Variants in DNAH10 observed in about 807,000 individuals in gnomAD.
DNAH10 encodes the protein dynein axonemal heavy chain 10, also known as axonemal beta dynein heavy chain 10.
In DNAH10, 348 loss-of-function variants were observed where a neutral mutation model predicts 506.6. The ratio of observed to expected loss-of-function variants is 0.69; its 90% confidence interval spans 0.63 to 0.75. The LOEUF is 0.75. DNAH10 is among the 30% of genes least tolerant of loss of function. The probability of loss-of-function intolerance (pLI) is 0.00; values close to 1 mark genes in which losing one functional copy is unlikely to be tolerated. For synonymous variants in DNAH10, 2,059 were observed against 2,198.6 expected, an observed-to-expected ratio of 0.94 and a Z score of 1.78; for missense variants, 5,179 against 5,787.1, an observed-to-expected ratio of 0.89 and a Z score of 3.41.
rs770744655 is a variant in DNAH10 at position 123,833,296 on chromosome 12, A to G, written c.4728A>G (p.Gln1576=). The G allele has an allele frequency of 8.1e-6, 13 of 1,613,658 alleles. No individual in the cohort carries two copies. Among genetic ancestry groups the G allele is most frequent in the South Asian group, 3.3e-5 (3 of 90,970 alleles). Residue 1576 remains glutamine, a synonymous_variant, in exon 27 of 79, where the codon CAA becomes CAG. Transcript: ENST00000673944. ...GCAGATTTGTGGGGCCTTTTCTGCA[A>G]ACTGTTCACAAATGGGAAAAAACGC... is the stretch of plus-strand genomic sequence containing the variant. The part of the protein sequence containing the change: ...SGSRFVGPFL[Q]TVHKWEKTLS...
chr12:123,780,988 G>A, intron 5 of DNAH10, 92 bp from the exon 6 acceptor site: 2 of 595,734 alleles, frequency 3.4e-6, no homozygotes, highest in South Asian at 2.4e-5. Context: ...GAGGCAATTT[G>A]AATAAAGAAT....
At chr12:123,874,904 T>A (rs1952190374) in intron 46 of DNAH10, among the ~76,000 whole-genome samples, 1 of 152,122 alleles carries the variant, frequency 6.6e-6, no homozygotes. Flanking sequence ...TGTCCATTCG[T>A]CCATCTGTCC....
Position 123,893,887 on chromosome 12 carries a change from T to G in DNAH10, c.9199+451T>G, listed in dbSNP as rs563660052. Among the ~76,000 whole-genome samples, 20 of 152,266 alleles carry G rather than the reference T, an allele frequency of 1.3e-4. No homozygotes were observed. In the East Asian group the frequency reaches 3.9e-3, roughly 29 times the overall value. The stretch of plus-strand genomic sequence containing the variant: ...GCATCTAGTGGGTAGAAGCCAGGGA[T>G]GCTGTGAAGCATCCTACAGTGCACA... On this transcript the variant is annotated intron_variant, in intron 53 of 78. Transcript: ENST00000673944.
intron 32 of DNAH10, among the ~76,000 whole-genome samples, chr12:123,847,532 G>C (rs558978123): frequency 2.0e-5 from 3 of 152,212 alleles, no homozygotes. Context: ...CTGAGAACCC[G>C]AAGTGCCAAG....
At chr12:123,901,732 C>A (rs1953530527) in intron 56 of DNAH10, among the ~76,000 whole-genome samples, 1 of 152,194 alleles carries the variant, frequency 6.6e-6, no homozygotes. Flanking sequence ...GCGATCTCGG[C>A]TCACTGCAAC....
Position 123,819,047 on chromosome 12 carries a change from T to C in DNAH10, c.3878T>C (p.Ile1293Thr). 3.1e-6 allele frequency: 5 copies of C among 1,603,736 alleles called. No homozygotes were observed. The highest frequency in any genetic ancestry group is 4.3e-6 in the Non-Finnish European group (5 of 1,174,744). The change falls in exon 22 of 79, where the codon ATA becomes ACA. Residue 1293 changes from isoleucine to threonine, a missense_variant. By Grantham distance (89) the Ile-to-Thr change is moderately conservative. This residue lies in a region of DNAH10 where 4,844 missense variants were observed against 5,430.5 expected (regional missense o/e 0.89). Transcript: ENST00000673944. ...AATGTGGAGCATGCTCTTGGGGACA[T>C]AAAGAGAACTTTCACAGAGGTACCT... ...SVNVEHALGD[I>T]KRTFTELTRG...
At position 123,835,421 on chromosome 12, in the gene DNAH10, C is replaced by G; in HGVS notation, c.4795C>G (p.Gln1599Glu). Reference sequence around the variant, plus strand: ...ACATTTACAGATTTGGATGTTGGTTCAGAGAAAATGGATGTATCTTGAAAG... The same window carrying G: ...ACATTTACAGATTTGGATGTTGGTTGAGAGAAAATGGATGTATCTTGAAAG... ...GEVIEIWMLV[Q>E]RKWMYLESIF... is the part of the protein sequence containing the mutation. The change falls in exon 28 of 79, where the codon CAG becomes GAG. Residue 1599 changes from glutamine to glutamate, a missense_variant. By Grantham distance (29) the Gln-to-Glu change is conservative (BLOSUM62 2). Transcript: ENST00000673944. 6.2e-7 allele frequency: 1 copy of G among 1,611,746 alleles called. No homozygotes were observed. Among genetic ancestry groups the G allele is most frequent in the Non-Finnish European group, 8.5e-7 (1 of 1,178,876 alleles).
At position 123,865,151 on chromosome 12, in the gene DNAH10, C is replaced by T. The variant is rs189117443; in HGVS notation, c.7044+421C>T. Among the ~76,000 whole-genome samples the T allele has an allele frequency of 5.6e-4, 85 of 152,270 alleles. 2 individuals are homozygous for T. In the East Asian group the frequency reaches 0.015, roughly 28 times the overall value. On this transcript the variant is annotated intron_variant, in intron 40 of 78. Coordinates refer to ENST00000673944, the MANE Select transcript of DNAH10 (RefSeq NM_001372106.1). ...AGATAGAAATAATTTACTGAAGAAC[C>T]AACTAATATACTACGATTACATTTA...
chr12:123,778,762 A>G (rs1957533786), intron 5 of DNAH10, among the ~76,000 whole-genome samples: 1 of 152,148 alleles, frequency 6.6e-6, no homozygotes, highest in African/African-American at 2.4e-5. Context: ...TAAGAGACAC[A>G]GTTCTTACTC....
chr12:123,762,785 A>G lies in DNAH10; in HGVS notation c.214+235A>G, dbSNP rs73420356. On this transcript the variant is annotated intron_variant, in intron 1 of 78. Transcript: ENST00000673944. This position sits in a 1 kb window ranked among gnomAD's most constrained non-coding sequence, Gnocchi z 5.0. ...AGTCAGGCCTTGATTGAAAAATCAC[A>G]GCAAACACTGACTTAGCCCGCACCC... Among the ~76,000 whole-genome samples, 940 of 152,336 alleles carry G rather than the reference A, an allele frequency of 6.2e-3. 11 individuals carry two copies. The highest frequency in any genetic ancestry group is 0.021 in the African/African-American group (890 of 41,574).
chr12:123,817,594 C>G (rs558869874), intron 21 of DNAH10, among the ~76,000 whole-genome samples: 1 of 152,110 alleles, frequency 6.6e-6, no homozygotes, highest in Admixed American at 6.6e-5. Context: ...CTTTTGTTTC[C>G]TTGACTCTAT....
At chr12:123,845,089 C>T (rs562195796) in intron 30 of DNAH10, among the ~76,000 whole-genome samples, 14 of 152,234 alleles carry the variant, frequency 9.2e-5, no homozygotes, top group Non-Finnish European at 1.5e-4. Flanking sequence ...TAGTTGGCTG[C>T]GGCCTCCAAC....
At chr12:123,845,550 A>C in intron 30 of DNAH10, 50 bp from the exon 31 acceptor site, 1 of 1,595,170 alleles carries the variant, frequency 6.3e-7, no homozygotes. Flanking sequence ...TGTTTTGGGT[A>C]CCAGTCCCCG....
intron 2 of DNAH10, among the ~76,000 whole-genome samples, chr12:123,768,584 T>A (rs1297110103): frequency 6.6e-6 from 1 of 151,770 alleles, no homozygotes; most frequent in Non-Finnish European, 1.5e-5. Context: ...GGGACACTCT[T>A]CAACCGAGTG....
chr12:123,914,553 G>A lies in DNAH10; in HGVS notation c.10574+3G>A. ...ACGGATGATGTTGAGATCAGCAGGT[G>A]TGTGGCACCCTGAGCCAGCAGGAGG... is the stretch of plus-strand genomic sequence containing the variant. On this transcript the variant is annotated splice_donor_region_variant and intron_variant, in intron 61 of 78. Coordinates refer to ENST00000673944, the MANE Select transcript of DNAH10 (RefSeq NM_001372106.1). 6.2e-7 allele frequency: 1 copy of A among 1,611,754 alleles called. No individual in the cohort carries two copies. Among genetic ancestry groups the A allele is most frequent in the Admixed American group, 1.7e-5 (1 of 59,956 alleles).
chr12:123,794,694 A>C (rs1389511981), intron 12 of DNAH10, among the ~76,000 whole-genome samples: 2 of 151,820 alleles, frequency 1.3e-5, no homozygotes, highest in Non-Finnish European at 2.9e-5. Context: ...AAAAATATGA[A>C]AATTATCCTG....
chr12:123,926,637 G>A lies in DNAH10; in HGVS notation c.11922G>A (p.Lys3974=). 6.2e-7 allele frequency: 1 copy of A among 1,611,766 alleles called. No individual in the cohort carries two copies. The highest frequency in any genetic ancestry group is 8.5e-7 in the Non-Finnish European group (1 of 1,178,784). The change falls in exon 69 of 79, where the codon AAG becomes AAA. Residue 3974 remains lysine, a splice_region_variant and synonymous_variant. Transcript: ENST00000673944. The surrounding 1 kb of genome is among the most constrained non-coding windows in gnomAD (Gnocchi z 4.1). ...TTTCTGACTGTGTTTCTTTCACCAG[G>A]TATGTGCAGCCCCCAATGATCAGCT... ...TDYVTVTMGE[K]YVQPPMISFE...
intron 7 of DNAH10, 134 bp downstream of exon 7, chr12:123,783,398 T>G: frequency 9.9e-7 from 1 of 1,008,342 alleles, no homozygotes. Context: ...GCCATCAAAA[T>G]AAACACACCC....
intron 21 of DNAH10, 119 bp downstream of exon 21, chr12:123,814,031 T>A: frequency 1.1e-6 from 1 of 924,352 alleles, no homozygotes; most frequent in Non-Finnish European, 1.6e-6. Context: ...TGACTTTAAG[T>A]AATACATTGT....
Sources: allele counts gnomAD v4.1 joint callset (sites outside exome capture counted in the v4.1 genomes callset), GRCh38; gene constraint gnomAD v4.1.1; regional missense constraint gnomAD v4.1.1; non-coding constraint Gnocchi (gnomAD v3.1); transcripts MANE v1.5; gene names NCBI Gene and HGNC (gene_info 2026-07-23, HGNC 2026-07-21).